Variants in KHK observed in about 807,000 individuals in gnomAD.
KHK encodes the protein ketohexokinase, also known as fructokinase.
A neutral mutation model predicts 36.0 loss-of-function variants in KHK; 37 were observed. The ratio of observed to expected loss-of-function variants is 1.03; its 90% CI spans 0.79 to 1.35. The LOEUF (loss-of-function observed/expected upper bound fraction) is 1.35, where lower values mean the gene tolerates loss of function less well. Among genes scored for constraint, KHK ranks in the 40% most tolerant of loss-of-function variants. The pLI is 0.00. For synonymous variants in KHK, 161 were observed against 162.8 expected (o/e 0.99, Z 0.08); for missense variants, 395 against 391.9 (o/e 1.01, Z -0.07).
intron 2 of KHK, chr2:27,094,452 C>T (rs755457721): frequency 1.2e-6 from 2 of 1,612,056 alleles, no homozygotes; most frequent in South Asian, 1.1e-5. Flanking sequence ...AACTGCACCC[C>T]CTTCGGGTTA....
chr2:27,097,444 A>G, intron 4 of KHK, 59 bp from the exon 5 acceptor site: 1 of 1,608,588 alleles, frequency 6.2e-7, no homozygotes, highest in African/African-American at 1.3e-5. Context: ...GGGCAGGAAG[A>G]ATGAGGCAGA....
rs1438037302 is a variant in KHK, at chr2:27,087,356, G to T, written c.92+5G>T. On this transcript the variant is annotated splice_donor_5th_base_variant and intron_variant, in intron 1 of 7. Transcript: ENST00000260598. ...TAAGGAGGACTCGGAGATAAGGTAGGGGCGCCCAGGTCCCCTAGGGGACCC... is the reference window on the plus strand; with the variant it reads ...TAAGGAGGACTCGGAGATAAGGTAGTGGCGCCCAGGTCCCCTAGGGGACCC... 6.3e-7 allele frequency: 1 copy of T among 1,576,748 alleles called. No homozygotes were observed. Among genetic ancestry groups the T allele is most frequent in the African/African-American group, 1.3e-5 (1 of 74,216 alleles).
In KHK at chr2:27,092,316, T is replaced by C. The variant is rs2148342588; in HGVS notation, c.93-16T>C. On this transcript the variant is annotated splice_polypyrimidine_tract_variant and intron_variant, in intron 1 of 7. Coordinates refer to ENST00000260598, the MANE Select transcript of KHK (RefSeq NM_006488.3). ...CAGCCTGCTGGGGCTGCAGGGACCC[T>C]CCCTGTGCTTTGCAGGTGTTTGTCC... 3.7e-6 allele frequency: 6 copies of C among 1,600,902 alleles called. No individual in the cohort carries two copies. In the African/African-American group the frequency reaches 6.7e-5, roughly 18 times the overall value.
At position 27,092,430 on chromosome 2, in the gene KHK, C is replaced by A. The variant is rs769490106; in HGVS notation, c.191C>A (p.Ala64Asp). The change falls in exon 2 of 8, where the codon GCT (alanine) becomes GAT (aspartate). Residue 64 changes from alanine to aspartate, a missense_variant. Ala to Asp is a moderately radical substitution (Grantham distance 126). Transcript: ENST00000260598. ...GAPCAFMGSM[A>D]PGHVADFLVA... ...CCCTGTGCCTTCATGGGCTCAATGGCTCCTGGCCATGTTGCTGAGTAAGTC... is the reference window on the plus strand; with the variant it reads ...CCCTGTGCCTTCATGGGCTCAATGGATCCTGGCCATGTTGCTGAGTAAGTC... The A allele has an allele frequency of 1.2e-6, 2 of 1,613,044 alleles. No homozygotes were observed. The highest frequency in any genetic ancestry group is 1.7e-6 in the Non-Finnish European group (2 of 1,179,704).
In KHK at chr2:27,099,773, C is replaced by T; in HGVS notation, c.*23C>T. On this transcript the variant is annotated 3_prime_UTR_variant, in exon 8 of 8. Coordinates refer to ENST00000260598, the MANE Select transcript of KHK (RefSeq NM_006488.3). ...TGAGAGCAGGTGCCGGCTCCTCACACACCATGGAGACTACCATTGCGGCTG... is the reference window on the plus strand; with the variant it reads ...TGAGAGCAGGTGCCGGCTCCTCACATACCATGGAGACTACCATTGCGGCTG... The T allele has an allele frequency of 6.2e-7, 1 of 1,612,154 alleles. No homozygotes were observed. The highest frequency in any genetic ancestry group is 1.3e-5 in the African/African-American group (1 of 74,976).
rs878995630 is a variant in KHK at position 27,100,109 on chromosome 2, G to A, written c.*359G>A. On this transcript the variant is annotated 3_prime_UTR_variant, in exon 8 of 8. Coordinates refer to ENST00000260598, the MANE Select transcript of KHK (RefSeq NM_006488.3). The stretch of plus-strand genomic sequence containing the variant: ...GAGGGGCTGCCTGGGCTAGAGCAGC[G>A]AGAAGTGCCCTGGGCTTGCCACCAG... 5 of 569,174 alleles carry A rather than the reference G, an allele frequency of 8.8e-6. No individual in the cohort carries two copies. The highest frequency in any genetic ancestry group is 2.0e-5 in the South Asian group (1 of 50,030). The allele number at this position is 569,174 out of a possible 1,614,324, so 35.3% of individuals were successfully genotyped here. A position where few individuals can be genotyped will look rare whatever the true frequency, so the allele number is the denominator to read the frequency against.
chr2:27,092,186 C>T (rs577818680), intron 1 of KHK, 146 bp from the exon 2 acceptor site: 24 of 756,532 alleles, frequency 3.2e-5, no homozygotes, highest in South Asian at 2.4e-4. Context: ...TGGCCGGCCT[C>T]GGCTGCCCCG....
Position 27,096,793 on chromosome 2 carries a change from C to T in KHK, c.409C>T (p.His137Tyr). 6.2e-7 allele frequency: 1 copy of T among 1,613,422 alleles called. No individual in the cohort carries two copies. The highest frequency in any genetic ancestry group is 8.5e-7 in the Non-Finnish European group (1 of 1,179,428). The part of the protein sequence containing the change: ...KVDLTQFKWI[H>Y]IEGRNASEQV... ...TGATCTGACCCAGTTCAAGTGGATC[C>T]ACATTGAGGTAAGCCCTGCCTTACC... The change falls in exon 4 of 8, where the codon CAC (histidine) becomes TAC (tyrosine). Residue 137 changes from histidine to tyrosine, a missense_variant. By Grantham distance (83) the His-to-Tyr change is moderately conservative. Coordinates refer to ENST00000260598, the MANE Select transcript of KHK (RefSeq NM_006488.3).
Position 27,099,847 on chromosome 2 carries a change from A to C in KHK, c.*97A>C. 6 of 1,555,348 alleles carry C rather than the reference A, an allele frequency of 3.9e-6. No homozygotes were observed. The highest frequency in any genetic ancestry group is 5.2e-6 in the Non-Finnish European group (6 of 1,149,790). ...GCCTGGCGTCCAGGTTGCCCTGTTC[A>C]GGGGACAGATGCAAGCTGTGGGGAG... On this transcript the variant is annotated 3_prime_UTR_variant, in exon 8 of 8. Coordinates refer to ENST00000260598, the MANE Select transcript of KHK (RefSeq NM_006488.3).
intron 2 of KHK, chr2:27,094,363 C>A (rs1670193714): frequency 1.6e-6 from 2 of 1,224,864 alleles, no homozygotes; most frequent in Non-Finnish European, 2.4e-6. Flanking sequence ...TCTCTCCCAG[C>A]CCCCTTTGCT....
At chr2:27,092,479 A>G in intron 2 of KHK, 31 bp downstream of exon 2, 2 of 1,477,730 alleles carry the variant, frequency 1.4e-6, no homozygotes, top group Non-Finnish European at 1.9e-6. Context: ...CCACTGGGGA[A>G]GGCCTGCCTG....
At chr2:27,091,953 C>A (rs569281475) in intron 1 of KHK, among the ~76,000 whole-genome samples, 39 of 152,308 alleles carry the variant, frequency 2.6e-4, no homozygotes, top group Non-Finnish European at 4.3e-4. Context: ...CTCCAGCTCT[C>A]AAGGAGGAGG....
At chr2:27,087,390 G>A in intron 1 of KHK, 39 bp downstream of exon 1, 1 of 1,466,438 alleles carries the variant, frequency 6.8e-7, no homozygotes. Flanking sequence ...CCCAGGGGCT[G>A]CTGCAGTCCA....
In KHK at chr2:27,095,933, TGAG is replaced by T. The variant is rs1670306857; in HGVS notation, c.345-792_345-790del. On this transcript the variant is annotated intron_variant, in intron 3 of 7. Transcript: ENST00000260598. ...ATAGCTATTTACAGGAGAGGAGCTC[TGAG>T]GAGAAATGTTTCTTGCCCACTGGCC... Among the ~76,000 whole-genome samples, 4 of 152,240 alleles carry T rather than the reference TGAG, an allele frequency of 2.6e-5. No individual in the cohort carries two copies. The South Asian group carries it at 8.3e-4, about 31-fold the overall frequency.
chr2:27,094,532 C>T, intron 2 of KHK: 2 of 1,614,182 alleles, frequency 1.2e-6, no homozygotes, highest in Non-Finnish European at 1.7e-6. Flanking sequence ...CACAGTCTTT[C>T]AGACCACAGG....
At chr2:27,094,551 C>T (rs1670215176) in intron 2 of KHK, 2 of 1,614,158 alleles carry the variant, frequency 1.2e-6, no homozygotes, top group Middle Eastern at 1.6e-4. Flanking sequence ...GGCTCCGTCC[C>T]CATCGCCACG....
intron 6 of KHK, 23 bp downstream of exon 6, chr2:27,099,307 G>C: frequency 6.8e-6 from 11 of 1,613,770 alleles, no homozygotes; most frequent in Non-Finnish European, 8.5e-6. Flanking sequence ...AGCCAGGAAG[G>C]GGCTTTAGAA....
chr2:27,090,967 G>A (rs1002542488), intron 1 of KHK, among the ~76,000 whole-genome samples: 1 of 152,054 alleles, frequency 6.6e-6, no homozygotes, highest in Admixed American at 6.5e-5. Flanking sequence ...AAGGTGGGAG[G>A]ATCAGTTGAG....
chr2:27,097,802 T>C (rs771446238), intron 5 of KHK, among the ~76,000 whole-genome samples, 153 bp downstream of exon 5: 2 of 152,182 alleles, frequency 1.3e-5, no homozygotes, highest in African/African-American at 2.4e-5. Flanking sequence ...AGCAAAGAAG[T>C]AGACCCCTAG....
Sources: allele counts gnomAD v4.1 joint callset (sites outside exome capture counted in the v4.1 genomes callset), GRCh38; gene constraint gnomAD v4.1.1; transcripts MANE v1.5; gene names NCBI Gene and HGNC (gene_info 2026-07-23, HGNC 2026-07-21).